The following NRG3 variants were observed in gnomAD, a reference collection of about 807,000 sequenced individuals.
NRG3 encodes the protein neuregulin 3, also known as pro-neuregulin-3, membrane-bound isoform.
A neutral mutation model predicts 66.9 loss-of-function variants in NRG3; 31 were observed. The observed-to-expected ratio is 0.46, with a 90% CI of 0.35 to 0.63. The LOEUF is 0.63. Ranked by LOEUF, NRG3 falls within the 20% of genes least tolerant of loss-of-function variation. NRG3 has a pLI of 0.00. For missense variants in NRG3, 910 were observed against 878.9 expected (o/e 1.04, Z -0.45); for synonymous variants, 393 against 359.4 (o/e 1.09, Z -1.06).
chr10:82,959,096 C>T (rs1850360362), intron 6 of NRG3, 21 bp downstream of exon 6: 1 of 1,573,896 alleles, frequency 6.4e-7, no homozygotes, highest in Non-Finnish European at 8.6e-7. Context: ...TGTCTACACA[C>T]CTCCTCCTAT....
At chr10:82,235,675 G>A (rs2076718849) in intron 1 of NRG3, among the ~76,000 whole-genome samples, 1 of 152,108 alleles carries the variant, frequency 6.6e-6, no homozygotes, top group Non-Finnish European at 1.5e-5. Context: ...GACCTTGTAT[G>A]TGAATCATAC....
chr10:82,633,735 G>C (rs2133750461), intron 2 of NRG3, among the ~76,000 whole-genome samples: 1 of 152,288 alleles, frequency 6.6e-6, no homozygotes, highest in East Asian at 1.9e-4. Context: ...TAGAAAAATG[G>C]AGGCTGTAGC....
chr10:82,684,032 C>T (rs1591159693), intron 2 of NRG3, among the ~76,000 whole-genome samples: 1 of 52,236 alleles, frequency 1.9e-5, no homozygotes, highest in South Asian at 1.3e-3. Flanking sequence ...ATTCAGAGCG[C>T]CCCTGTGTTC....
Position 82,175,947 on chromosome 10 carries a change from C to T in NRG3, c.824-182792C>T, listed in dbSNP as rs533434626. On this transcript the variant is annotated intron_variant, in intron 1 of 8. Transcript: ENST00000372141. ...GTTTTCCTAGTGAGATATCTGTGGT[C>T]TAGAGAAAATAAGAATTTGACCAGG... is the stretch of plus-strand genomic sequence containing the variant. 1.6e-4 allele frequency among the ~76,000 whole-genome samples: 24 copies of T among 152,206 alleles called. No homozygotes were observed. In the South Asian group the frequency reaches 4.6e-3, roughly 29 times the overall value.
At chr10:82,565,896 T>C (rs115713184) in intron 2 of NRG3, among the ~76,000 whole-genome samples, 1 of 152,092 alleles carries the variant, frequency 6.6e-6, no homozygotes, top group East Asian at 1.9e-4. Context: ...AGGCTTCTAA[T>C]GAGAAGTCGC....
chr10:82,763,303 A>G (rs2135092229), intron 3 of NRG3, among the ~76,000 whole-genome samples: 1 of 152,322 alleles, frequency 6.6e-6, no homozygotes, highest in Admixed American at 6.5e-5. Context: ...AATTCATGTA[A>G]CCATCCTGAA....
At chr10:82,036,592 T>G (rs954214441) in intron 1 of NRG3, among the ~76,000 whole-genome samples, 10 of 152,116 alleles carry the variant, frequency 6.6e-5, no homozygotes, top group African/African-American at 2.4e-4. Context: ...CCTTCATATT[T>G]TTTAAAGTTG....
chr10:82,109,874 G>C lies in NRG3; in HGVS notation c.823+233711G>C, dbSNP rs114631181. Among the ~76,000 whole-genome samples, 638 of 152,252 alleles carry C rather than the reference G, an allele frequency of 4.2e-3. 7 individuals carry two copies. Among genetic ancestry groups the C allele is most frequent in the African/African-American group, 0.015 (614 of 41,552 alleles). On this transcript the variant is annotated intron_variant, in intron 1 of 8. Transcript: ENST00000372141. ...CAGTTTGACCAAGATCGTGCAGCTT[G>C]TAAGCAATCAACTTGGCACTTGTGA...
chr10:81,994,704 G>A (rs1482689110), intron 1 of NRG3, among the ~76,000 whole-genome samples: 2 of 151,974 alleles, frequency 1.3e-5, no homozygotes, highest in African/African-American at 4.8e-5. Flanking sequence ...AAAGAGTGGA[G>A]TATTTTCATT....
chr10:82,024,164 G>A (rs1294832283), intron 1 of NRG3, among the ~76,000 whole-genome samples: 1 of 151,132 alleles, frequency 6.6e-6, no homozygotes, highest in Non-Finnish European at 1.5e-5. Flanking sequence ...ATCCTCTAGT[G>A]AGTCTCTGAA....
intron 1 of NRG3, among the ~76,000 whole-genome samples, chr10:82,134,271 C>T (rs1281963575): frequency 2.0e-5 from 3 of 152,192 alleles, no homozygotes; most frequent in African/African-American, 7.2e-5. Context: ...TTAATTAGAT[C>T]CCACTTGTCA....
intron 2 of NRG3, among the ~76,000 whole-genome samples, chr10:82,674,018 G>T (rs1279394180): frequency 6.6e-6 from 1 of 152,094 alleles, no homozygotes; most frequent in African/African-American, 2.4e-5. Flanking sequence ...CAACAGTGTT[G>T]CTGGGCAACG....
At chr10:82,259,929 C>T (rs2077932890) in intron 1 of NRG3, among the ~76,000 whole-genome samples, 1 of 134,264 alleles carries the variant, frequency 7.4e-6, no homozygotes, top group East Asian at 2.5e-4. Context: ...AAGACCTTGT[C>T]TCTATTAAAA....
Position 82,426,399 on chromosome 10 carries a change from C to T in NRG3, c.953+67531C>T, listed in dbSNP as rs527244641. 6.6e-5 allele frequency among the ~76,000 whole-genome samples: 10 copies of T among 151,832 alleles called. No individual in the cohort carries two copies. In the South Asian group the frequency reaches 1.5e-3, roughly 22 times the overall value. ...AGTGGCTTCCGTTGTTCCTTGTAAG[C>T]TCTATGTATTCAAATGTGTCTCTAG... On this transcript the variant is annotated intron_variant, in intron 2 of 8. Coordinates refer to ENST00000372141, the MANE Select transcript of NRG3 (RefSeq NM_001010848.4).
intron 2 of NRG3, among the ~76,000 whole-genome samples, chr10:82,724,712 TG>T (rs1326749212): frequency 6.6e-6 from 1 of 152,218 alleles, no homozygotes; most frequent in African/African-American, 2.4e-5. Flanking sequence ...TGACATCCTG[TG>T]GACACTTTGC....
intron 1 of NRG3, among the ~76,000 whole-genome samples, chr10:82,026,685 C>CTGTT (rs976077962): frequency 1.3e-5 from 2 of 151,312 alleles, no homozygotes; most frequent in Non-Finnish European, 2.9e-5. Flanking sequence ...GTCTGTTTGT[C>CTGTT]TGTTTGTTTG....
At chr10:82,812,415 C>G (rs573617171) in intron 3 of NRG3, among the ~76,000 whole-genome samples, 1 of 152,282 alleles carries the variant, frequency 6.6e-6, no homozygotes, top group South Asian at 2.1e-4. Context: ...AACAAAAAGT[C>G]TACTTTGAAA....
At chr10:82,921,801 A>C (rs1316422401) in intron 4 of NRG3, among the ~76,000 whole-genome samples, 2 of 152,100 alleles carry the variant, frequency 1.3e-5, no homozygotes, top group African/African-American at 4.8e-5. Flanking sequence ...TTTGCATCCC[A>C]ACATAATTAT....
intron 2 of NRG3, among the ~76,000 whole-genome samples, chr10:82,535,463 G>A (rs1847722891): frequency 6.6e-6 from 1 of 152,058 alleles, no homozygotes; most frequent in Admixed American, 6.6e-5. Flanking sequence ...TTTTTGGTAA[G>A]TGAACATAAA....
Sources: gnomAD v4.1 joint callset for allele counts (sites outside exome capture counted in the v4.1 genomes callset) on GRCh38, gnomAD v4.1.1 for gene constraint, MANE v1.5 for transcripts, NCBI Gene and HGNC (gene_info 2026-07-23, HGNC 2026-07-21) for gene names.